The following ATP2B3 variants were observed in gnomAD, a reference collection of about 807,000 sequenced individuals.
ATP2B3 encodes plasma membrane calcium-transporting ATPase 3.
ATP2B3 carries 12 observed loss-of-function variants against 70.8 expected under a neutral mutation model. The observed-to-expected ratio is 0.17, with a 90% CI of 0.11 to 0.27. The LOEUF (loss-of-function observed/expected upper bound fraction) is 0.27, where lower values mean the gene tolerates loss of function less well. ATP2B3 is among the 10% of genes least tolerant of loss of function. The pLI is 1.00. For missense variants in ATP2B3, 858 were observed against 1,118.5 expected (o/e 0.77, Z 3.32); for synonymous variants, 460 against 497.8 (o/e 0.92, Z 1.01).
At chrX:153,572,838 C>T (rs2090808974) in intron 21 of ATP2B3, among the ~76,000 whole-genome samples, 1 of 112,050 alleles carries the variant, frequency 8.9e-6, no homozygotes, top group South Asian at 3.8e-4. Context: ...CTGGTTCAGT[C>T]ACTCGGGTCT....
intron 10 of ATP2B3, among the ~76,000 whole-genome samples, 178 bp downstream of exon 10, chrX:153,549,032 G>A (rs1253283919): frequency 2.7e-5 from 3 of 109,305 alleles, no homozygotes; most frequent in African/African-American, 6.7e-5. Context: ...CAGGTCCCTC[G>A]GCATGAGATG....
At chrX:153,533,949 C>T (rs782097669) in intron 2 of ATP2B3, among the ~76,000 whole-genome samples, 4 of 111,995 alleles carry the variant, frequency 3.6e-5, no homozygotes, top group South Asian at 3.8e-4. Flanking sequence ...CACCAGGCCT[C>T]GGTGACCGTG....
intron 12 of ATP2B3, among the ~76,000 whole-genome samples, chrX:153,552,751 C>T (rs2090476061): frequency 1.8e-5 from 2 of 112,483 alleles, no homozygotes; most frequent in Admixed American, 1.9e-4. Context: ...AGGGCGTGGG[C>T]AGGGCCGAAG....
chrX:153,552,006 G>A (rs1371670479), intron 12 of ATP2B3, among the ~76,000 whole-genome samples: 1 of 112,689 alleles, frequency 8.9e-6, no homozygotes, highest in Non-Finnish European at 1.9e-5. Flanking sequence ...AGTGCACCCT[G>A]CCTGGCCGCC....
chrX:153,561,923 G>A (rs1557016451), intron 19 of ATP2B3, among the ~76,000 whole-genome samples: 1 of 112,660 alleles, frequency 8.9e-6, no homozygotes, highest in African/African-American at 3.2e-5. Flanking sequence ...GCCCCACTCC[G>A]AGGCTGGAGT....
At chrX:153,564,838 C>A in intron 20 of ATP2B3, 83 bp from the exon 21 acceptor site, 1 of 949,632 alleles carries the variant, frequency 1.1e-6, no homozygotes, top group Non-Finnish European at 1.4e-6. Flanking sequence ...AGGAGGCCGG[C>A]GTCTCCCTCT....
intron 11 of ATP2B3, 38 bp downstream of exon 11, chrX:153,549,777 C>A: frequency 8.4e-7 from 1 of 1,188,305 alleles, no homozygotes; most frequent in Non-Finnish European, 1.1e-6. Flanking sequence ...GGGCCGGGGG[C>A]AGGAGCAGGG....
At chrX:153,569,649 C>T (rs782527930) in intron 21 of ATP2B3, 1 of 1,209,708 alleles carries the variant, frequency 8.3e-7, no homozygotes, top group Non-Finnish European at 1.1e-6. Flanking sequence ...GTTCAGGGTG[C>T]TGTGCGCCGG....
At chrX:153,557,078 C>T in intron 16 of ATP2B3, 55 bp downstream of exon 16, 2 of 1,061,122 alleles carry the variant, frequency 1.9e-6, no homozygotes, top group Non-Finnish European at 2.6e-6. Flanking sequence ...CTGCATCTGT[C>T]CCATGGACAT....
chrX:153,553,463 G>A (rs1363966058), intron 13 of ATP2B3, among the ~76,000 whole-genome samples, 194 bp downstream of exon 13: 4 of 111,920 alleles, frequency 3.6e-5, no homozygotes, highest in Non-Finnish European at 7.5e-5. Flanking sequence ...AGCCCTTCCC[G>A]CTTGACCTAT....
intron 3 of ATP2B3, among the ~76,000 whole-genome samples, chrX:153,539,060 C>T (rs781837586): frequency 8.9e-6 from 1 of 112,774 alleles, no homozygotes; most frequent in East Asian, 2.8e-4. Flanking sequence ...TCCCCTGCTC[C>T]TCTCCCTCCG....
At chrX:153,526,621 C>T (rs936308909) in intron 2 of ATP2B3, among the ~76,000 whole-genome samples, 17 of 112,469 alleles carry the variant, frequency 1.5e-4, no homozygotes, top group African/African-American at 2.3e-4. Context: ...CCTGCAGCCT[C>T]GGCTGCAGCT....
intron 21 of ATP2B3, among the ~76,000 whole-genome samples, chrX:153,577,562 G>A (rs183904388): frequency 2.7e-5 from 3 of 112,498 alleles, no homozygotes; most frequent in Admixed American, 9.4e-5. Flanking sequence ...CATTGGCTAC[G>A]AAAACTGAAT....
chrX:153,580,953 G>A lies in ATP2B3; in HGVS notation c.*655G>A, dbSNP rs2090916295. ...CACATATGTGTATGTGTGTGGATCT[G>A]TACACACACACGTATATATGGCCAG... On this transcript the variant is annotated 3_prime_UTR_variant, in exon 22 of 22. Transcript: ENST00000263519. 8.9e-6 allele frequency: 1 copy of A among 111,741 alleles called. No individual in the cohort carries two copies. Among genetic ancestry groups the A allele is most frequent in the Non-Finnish European group, 1.9e-5 (1 of 53,042 alleles). The allele number at this position is 111,741 out of a possible 1,213,427, so 9.2% of individuals were successfully genotyped here.
intron 14 of ATP2B3, 41 bp from the exon 15 acceptor site, chrX:153,556,290 C>T: frequency 8.3e-7 from 1 of 1,202,170 alleles, no homozygotes; most frequent in Admixed American, 2.2e-5. Context: ...CCCTGCGTGC[C>T]CGCCTTAGCT....
intron 2 of ATP2B3, among the ~76,000 whole-genome samples, chrX:153,523,688 A>ATT (rs1198038269): frequency 6.8e-5 from 4 of 59,220 alleles, no homozygotes; most frequent in Non-Finnish European, 1.1e-4. Flanking sequence ...TCCTCCCTTC[A>ATT]TTTTTTTTTT....
chrX:153,533,927 C>T (rs1209811719), intron 2 of ATP2B3, among the ~76,000 whole-genome samples: 1 of 110,509 alleles, frequency 9.0e-6, no homozygotes, highest in East Asian at 2.9e-4. Context: ...TGAGCACATG[C>T]CAGGGGAGGG....
chrX:153,566,716 C>T (rs1433966106), intron 21 of ATP2B3, among the ~76,000 whole-genome samples: 1 of 111,011 alleles, frequency 9.0e-6, no homozygotes, highest in Non-Finnish European at 1.9e-5. Context: ...TCACCCCAAC[C>T]TTCCTGCACA....
chrX:153,543,027 T>A lies in ATP2B3; in HGVS notation c.791-16T>A, dbSNP rs1229848787. On this transcript the variant is annotated splice_polypyrimidine_tract_variant and intron_variant, in intron 6 of 21. Coordinates refer to ENST00000263519, the MANE Select transcript of ATP2B3 (RefSeq NM_001001344.3). Reference sequence around the variant, plus strand: ...TGATACAAATTCCTGTCTCAGTCTCTGTGTTGCTGTTCCAGGCACTCATGT... The same window carrying A: ...TGATACAAATTCCTGTCTCAGTCTCAGTGTTGCTGTTCCAGGCACTCATGT... 8.3e-7 allele frequency: 1 copy of A among 1,207,035 alleles called. No homozygotes were observed. Among genetic ancestry groups the A allele is most frequent in the African/African-American group, 1.7e-5 (1 of 57,400 alleles).
Sources: allele counts gnomAD v4.1 joint callset (sites outside exome capture counted in the v4.1 genomes callset), GRCh38; gene constraint gnomAD v4.1.1; transcripts MANE v1.5; gene names NCBI Gene and HGNC (gene_info 2026-07-23, HGNC 2026-07-21).